MACROD1: variants seen among roughly 807,000 people sequenced by gnomAD.
MACROD1 encodes mono-ADP ribosylhydrolase 1.
MACROD1 carries 31 observed loss-of-function variants against 41.4 expected under a neutral mutation model. That is an observed-to-expected ratio of 0.75 (90% CI 0.56 to 1.01). The LOEUF (loss-of-function observed/expected upper bound fraction) is 1.01, where lower values mean the gene tolerates loss of function less well. MACROD1 is among the 50% of genes least tolerant of loss of function. The pLI is 0.00. For missense variants in MACROD1, 473 were observed against 460.0 expected, an observed-to-expected ratio of 1.03 and a Z score of -0.26; for synonymous variants, 252 against 203.4, an observed-to-expected ratio of 1.24 and a Z score of -2.03.
chr11:64,130,696 T>C (rs1038554883), intron 3 of MACROD1, among the ~76,000 whole-genome samples: 8 of 152,044 alleles, frequency 5.3e-5, no homozygotes, highest in East Asian at 1.9e-4. Flanking sequence ...CCCCCACACA[T>C]GCCGCTGCCT....
chr11:64,162,946 C>T (rs1360166565), intron 1 of MACROD1, among the ~76,000 whole-genome samples: 4 of 152,136 alleles, frequency 2.6e-5, no homozygotes, highest in South Asian at 4.1e-4. Flanking sequence ...CGATGAAATC[C>T]TATCTCCACC....
At chr11:64,093,421 C>G (rs918214437) in intron 3 of MACROD1, among the ~76,000 whole-genome samples, 1 of 152,246 alleles carries the variant, frequency 6.6e-6, no homozygotes, top group South Asian at 2.1e-4. Flanking sequence ...GCCGGGAAGC[C>G]AGGCCTCCAC....
intron 3 of MACROD1, among the ~76,000 whole-genome samples, chr11:64,037,018 C>T (rs559473109): frequency 6.6e-5 from 10 of 152,322 alleles, no homozygotes; most frequent in Middle Eastern, 3.4e-3. Context: ...CCGGTGGCCC[C>T]GGGAGGTCTT....
intron 3 of MACROD1, among the ~76,000 whole-genome samples, chr11:64,071,067 C>T (rs969896989): frequency 6.6e-6 from 1 of 152,118 alleles, no homozygotes; most frequent in Non-Finnish European, 1.5e-5. Flanking sequence ...GTTGGGGACA[C>T]CAGGCCTTTG....
At chr11:64,113,304 T>C (rs1427894286) in intron 3 of MACROD1, among the ~76,000 whole-genome samples, 6 of 152,252 alleles carry the variant, frequency 3.9e-5, no homozygotes, top group African/African-American at 1.4e-4. Context: ...GAATCCCAAG[T>C]GGCTACAACA....
chr11:64,088,684 C>T (rs1449739310), intron 3 of MACROD1, among the ~76,000 whole-genome samples: 1 of 152,198 alleles, frequency 6.6e-6, no homozygotes, highest in Non-Finnish European at 1.5e-5. Flanking sequence ...CTCGACCCCT[C>T]TGGGTCTCGG....
chr11:64,085,573 C>T (rs536754568), intron 3 of MACROD1, among the ~76,000 whole-genome samples: 8 of 152,316 alleles, frequency 5.3e-5, no homozygotes, highest in East Asian at 3.9e-4. Context: ...GCCGCCCGCC[C>T]GGGTCCACCC....
At chr11:64,028,543 G>T (rs982006930) in intron 3 of MACROD1, among the ~76,000 whole-genome samples, 1 of 152,222 alleles carries the variant, frequency 6.6e-6, no homozygotes, top group Non-Finnish European at 1.5e-5. Flanking sequence ...GCGAGGCCCG[G>T]CCTCAGCCCC....
rs1241060598 is a variant in MACROD1 at position 63,999,547 on chromosome 11, A to G, written c.800T>C (p.Ile267Thr). Residue 267 changes from isoleucine to threonine, a missense_variant, in exon 7 of 11, where the codon ATC (isoleucine) becomes ACC (threonine). By Grantham distance (89) the Ile-to-Thr change is moderately conservative. Transcript: ENST00000255681. ...AGACTCACCAAACACGCCGGTGGAGATGCAGGGGAACGCCTGGGCGGGGAG... is the reference window on the plus strand; with the variant it reads ...AGACTCACCAAACACGCCGGTGGAGGTGCAGGGGAACGCCTGGGCGGGGAG... ...HRLRSVAFPC[I>T]STGVFGYPCE... The G allele has an allele frequency of 1.2e-6, 2 of 1,609,840 alleles. No homozygotes were observed. The highest frequency in any genetic ancestry group is 1.7e-6 in the Non-Finnish European group (2 of 1,178,684).
intron 1 of MACROD1, 65 bp from the exon 2 acceptor site, chr11:64,152,458 C>T (rs2134707877): frequency 8.0e-7 from 1 of 1,251,996 alleles, no homozygotes; most frequent in South Asian, 1.2e-5. Flanking sequence ...TGCACCCCCA[C>T]ATCTCCTTTC....
At chr11:64,158,522 C>T (rs911193912) in intron 1 of MACROD1, among the ~76,000 whole-genome samples, 8 of 152,098 alleles carry the variant, frequency 5.3e-5, no homozygotes, top group East Asian at 3.9e-4. Flanking sequence ...GGATTACAGG[C>T]GTGAGCCACC....
At chr11:64,088,595 C>T (rs955553152) in intron 3 of MACROD1, among the ~76,000 whole-genome samples, 3 of 144,760 alleles carry the variant, frequency 2.1e-5, no homozygotes, top group Non-Finnish European at 4.6e-5. Context: ...GGTCTCTCCT[C>T]CTCCTCCCCG....
chr11:64,001,602 G>C, intron 4 of MACROD1: 1 of 701,718 alleles, frequency 1.4e-6, no homozygotes, highest in South Asian at 1.5e-5. Flanking sequence ...TTTACTCAGA[G>C]CTGGCACCAG....
At position 64,151,355 on chromosome 11, in the gene MACROD1, C is replaced by T. The variant is rs1170519989; in HGVS notation, c.401G>A (p.Gly134Glu). The stretch of plus-strand genomic sequence containing the variant: ...GGGCTCCTCCACCTTCACAGCCACC[C>T]CTGGAACAAGTAGGGGCCGGGGAGG... ...KIPTWKEMAK[G>E]VAVKVEEPRY... The change falls in exon 3 of 11, where the codon GGG becomes GAG. Residue 134 changes from glycine to glutamate, a missense_variant and splice_region_variant. Coordinates refer to ENST00000255681, the MANE Select transcript of MACROD1 (RefSeq NM_014067.4). 1.9e-6 allele frequency: 3 copies of T among 1,612,006 alleles called. No homozygotes were observed. The highest frequency in any genetic ancestry group is 2.5e-6 in the Non-Finnish European group (3 of 1,178,830).
chr11:64,011,519 T>C (rs1293359604), intron 4 of MACROD1, among the ~76,000 whole-genome samples: 3 of 151,840 alleles, frequency 2.0e-5, no homozygotes, highest in African/African-American at 7.3e-5. Context: ...CCACAGATGT[T>C]AATTATTTAC....
intron 3 of MACROD1, among the ~76,000 whole-genome samples, chr11:64,063,396 T>A (rs1271409412): frequency 6.6e-6 from 1 of 152,002 alleles, no homozygotes; most frequent in Non-Finnish European, 1.5e-5. Flanking sequence ...ATGCCAGATG[T>A]CAGGGAAGCC....
chr11:64,152,569 T>C (rs1945598456), intron 1 of MACROD1, among the ~76,000 whole-genome samples, 176 bp from the exon 2 acceptor site: 1 of 152,190 alleles, frequency 6.6e-6, no homozygotes, highest in Non-Finnish European at 1.5e-5. Flanking sequence ...TAGAATATCT[T>C]GTCCTGCTCT....
intron 3 of MACROD1, chr11:64,116,582 G>A (rs921421222): frequency 1.2e-6 from 2 of 1,613,952 alleles, no homozygotes; most frequent in East Asian, 2.2e-5. Flanking sequence ...TCAAGACCAA[G>A]GTCAACGTGC....
chr11:64,119,498 A>G (rs1368270334), intron 3 of MACROD1, among the ~76,000 whole-genome samples: 1 of 149,840 alleles, frequency 6.7e-6, no homozygotes, highest in Non-Finnish European at 1.5e-5. Context: ...CCCTCCTAGG[A>G]CGGGTAATTA....
Sources: gnomAD v4.1 joint callset for allele counts (sites outside exome capture counted in the v4.1 genomes callset) on GRCh38, gnomAD v4.1.1 for gene constraint, MANE v1.5 for transcripts, NCBI Gene and HGNC (gene_info 2026-07-23, HGNC 2026-07-21) for gene names.